Variants in CLCN7 observed in about 807,000 individuals in gnomAD.
CLCN7 encodes Cl-/H+ antiporter 7, also known as H(+)/Cl(-) exchange transporter 7.
CLCN7 carries 60 observed loss-of-function variants against 102.1 expected under a neutral mutation model. That is an observed-to-expected ratio of 0.59 (90% CI 0.48 to 0.73). The LOEUF is 0.73. Among genes scored for constraint, CLCN7 ranks in the 30% least tolerant of loss-of-function variants. The pLI is 0.00. For missense variants in CLCN7, 962 were observed against 1,125.7 expected (o/e 0.85, Z 2.08); for synonymous variants, 560 against 490.5 (o/e 1.14, Z -1.87).
At chr16:1,446,741 G>A (rs2038651555) in intron 24 of CLCN7, 24 bp from the exon 25 acceptor site, 2 of 1,552,438 alleles carry the variant, frequency 1.3e-6, no homozygotes, top group East Asian at 2.4e-5. Flanking sequence ...CCAGGCCACA[G>A]TGACACACGG....
At chr16:1,454,375 G>C (rs192338826) in intron 13 of CLCN7, 36 bp downstream of exon 13, 1 of 1,604,592 alleles carries the variant, frequency 6.2e-7, no homozygotes, top group Non-Finnish European at 8.5e-7. Context: ...AGCCAGGCCC[G>C]CAGGCCGTCC....
Position 1,457,705 on chromosome 16 carries a change from C to T in CLCN7, c.727G>A (p.Ala243Thr). 1 of 1,613,836 alleles carries T rather than the reference C, an allele frequency of 6.2e-7. No homozygotes were observed. ...GTGCACTTTGTTACCTTTCCCACGG[C>T]CAGGCCCCCGACCACGGACAGGATC... ...GVILSVVGGL[A>T]VGKEGPMIHS... The change falls in exon 8 of 25, where the codon GCC (alanine) becomes ACC (threonine). Residue 243 changes from alanine to threonine, a missense_variant. Physicochemically the swap from Ala to Thr is moderately conservative, Grantham distance 58. Around this residue, in one of 2 missense-constraint regions of CLCN7, gnomAD observed 799 missense variants for 988.0 expected, o/e 0.81. Coordinates refer to ENST00000382745, the MANE Select transcript of CLCN7 (RefSeq NM_001287.6). The surrounding 1 kb of genome is among the most constrained non-coding windows in gnomAD (Gnocchi z 5.4).
At chr16:1,455,512 C>A in intron 11 of CLCN7, 1 of 666,042 alleles carries the variant, frequency 1.5e-6, no homozygotes, top group Non-Finnish European at 2.7e-6. Flanking sequence ...TGATCCCCTA[C>A]CCGGGAGCCA....
At chr16:1,455,685 C>A in intron 11 of CLCN7, 46 bp downstream of exon 11, 1 of 1,593,056 alleles carries the variant, frequency 6.3e-7, no homozygotes, top group Non-Finnish European at 8.6e-7. Flanking sequence ...GAAATGAGAG[C>A]GCAGCATGCA....
chr16:1,460,801 C>A lies in CLCN7; in HGVS notation c.484+15G>T. 1 of 1,613,898 alleles carries A rather than the reference C, an allele frequency of 6.2e-7. No homozygotes were observed. Among genetic ancestry groups the A allele is most frequent in the Non-Finnish European group, 8.5e-7 (1 of 1,179,942 alleles). On this transcript the variant is annotated intron_variant, in intron 5 of 24. Coordinates refer to ENST00000382745, the MANE Select transcript of CLCN7 (RefSeq NM_001287.6). ...CCCCCCTCCCAAGCTGCAGCGGCCG[C>A]ACTGGGAAGGATACTGCCCTTGATG...
intron 1 of CLCN7, chr16:1,474,308 G>C (rs866289522): frequency 4.7e-6 from 2 of 428,496 alleles, no homozygotes; most frequent in Middle Eastern, 3.6e-4. Context: ...TCACCTGAAA[G>C]TCGGGACTGA....
Position 1,447,414 on chromosome 16 carries a change from G to A in CLCN7, c.2228C>T (p.Pro743Leu), listed in dbSNP as rs2142365609. ...TGCCTGGGGCACCGTGTAGGGGGAG[G>A]GGTTCATGAACTCGGAGAGGTCCAT... ...CTMDLSEFMN[P>L]SPYTVPQEAS... The change falls in exon 23 of 25, where the codon CCC becomes CTC. Residue 743 changes from proline to leucine, a missense_variant. Pro to Leu is a moderately conservative substitution (Grantham distance 98, BLOSUM62 -3). Around this residue, in one of 2 missense-constraint regions of CLCN7, gnomAD observed 799 missense variants for 988.0 expected, o/e 0.81. Coordinates refer to ENST00000382745, the MANE Select transcript of CLCN7 (RefSeq NM_001287.6). 3.9e-6 allele frequency: 6 copies of A among 1,550,732 alleles called. No individual in the cohort carries two copies. Among genetic ancestry groups the A allele is most frequent in the Non-Finnish European group, 5.2e-6 (6 of 1,147,250 alleles).
intron 16 of CLCN7, among the ~76,000 whole-genome samples, chr16:1,451,285 G>A (rs961944311): frequency 6.6e-6 from 1 of 152,310 alleles, no homozygotes; most frequent in African/African-American, 2.4e-5. Context: ...ACAGCTCATT[G>A]TGGCCTCAAC....
chr16:1,462,242 CAT>C (rs1251690642), intron 2 of CLCN7, among the ~76,000 whole-genome samples: 1 of 151,652 alleles, frequency 6.6e-6, no homozygotes, highest in Non-Finnish European at 1.5e-5. Flanking sequence ...AAAATCAATC[CAT>C]GAGGCCGGGT....
In CLCN7 at chr16:1,449,313, G is replaced by A. The variant is rs770378352; in HGVS notation, c.1632C>T (p.Pro544=). The A allele has an allele frequency of 1.4e-5, 22 of 1,586,880 alleles. No homozygotes were observed. The highest frequency in any genetic ancestry group is 1.4e-4 in the South Asian group (12 of 87,260). The part of the protein sequence containing the change: ...YLTGAAIWAD[P]GKYALMGAAA... ...CAGCTCCCATCAGGGCGTATTTGCC[G>A]GGGTCCGCCCAGATCTGTGGGAGGT... Residue 544 remains proline, a synonymous_variant, in exon 18 of 25, where the codon CCC becomes CCT. Coordinates refer to ENST00000382745, the MANE Select transcript of CLCN7 (RefSeq NM_001287.6).
chr16:1,460,419 T>C lies in CLCN7; in HGVS notation c.593A>G (p.Glu198Gly). The C allele has an allele frequency of 6.2e-7, 1 of 1,611,712 alleles. No individual in the cohort carries two copies. The highest frequency in any genetic ancestry group is 1.1e-5 in the South Asian group (1 of 91,052). ...LVGSVIVAFI[E>G]PVAAGSGIPQ... ...TAGCTGCGGCATCCTGCCACCCACC[T>C]CTATGAAAGCCACAATCACAGAGCC... The change falls in exon 6 of 25, where the codon GAG (glutamate) becomes GGG (glycine). Residue 198 changes from glutamate to glycine, a missense_variant and splice_region_variant. By Grantham distance (98) the Glu-to-Gly change is moderately conservative (BLOSUM62 -2). Transcript: ENST00000382745.
At chr16:1,455,429 G>A (rs2038820209) in intron 11 of CLCN7, 179 bp from the exon 12 acceptor site, 7 of 664,044 alleles carry the variant, frequency 1.1e-5, no homozygotes, top group South Asian at 6.7e-5. Flanking sequence ...GGCAAGGAGC[G>A]GCCCAGCCCT....
In CLCN7 at chr16:1,445,200, G is replaced by A. The variant is rs2038615187; in HGVS notation, c.*1431C>T. ...GGGGCGGGGACGAGGAAGAGGATGT[G>A]GCTGGTGCCCTGGGTGGCCGCAGCC... On this transcript the variant is annotated 3_prime_UTR_variant, in exon 25 of 25. Coordinates refer to ENST00000382745, the MANE Select transcript of CLCN7 (RefSeq NM_001287.6). The A allele has an allele frequency of 6.6e-6, 1 of 152,176 alleles. No homozygotes were observed. Among genetic ancestry groups the A allele is most frequent in the Non-Finnish European group, 1.5e-5 (1 of 68,070 alleles). The allele number at this position is 152,176 out of a possible 1,614,324, so 9.4% of individuals were successfully genotyped here.
chr16:1,452,792 T>C lies in CLCN7; in HGVS notation c.1316A>G (p.Gln439Arg). 6.2e-7 allele frequency: 1 copy of C among 1,605,932 alleles called. No individual in the cohort carries two copies. The highest frequency in any genetic ancestry group is 8.5e-7 in the Non-Finnish European group (1 of 1,176,820). The change falls in exon 15 of 25, where the codon CAG becomes CGG. Residue 439 changes from glutamine (Q) to arginine (R), a missense_variant. By Grantham distance (43) the Gln-to-Arg change is conservative (BLOSUM62 1). This residue lies in a region of CLCN7 where 799 missense variants were observed against 988.0 expected (regional missense o/e 0.81). Coordinates refer to ENST00000382745, the MANE Select transcript of CLCN7 (RefSeq NM_001287.6). ...FVLIYSSRDC[Q>R]PLQGGSMSYP... is the part of the protein sequence containing the mutation. ...GGACATGGAGCCCCCCTGCAGGGGCTGGCAATCCCGCGACGAGTAGATCAG... is the reference window on the plus strand; with the variant it reads ...GGACATGGAGCCCCCCTGCAGGGGCCGGCAATCCCGCGACGAGTAGATCAG...
At chr16:1,470,867 T>A (rs986635921) in intron 1 of CLCN7, among the ~76,000 whole-genome samples, 1 of 152,186 alleles carries the variant, frequency 6.6e-6, no homozygotes, top group Admixed American at 6.5e-5. Context: ...CAAGGTCTTA[T>A]GTGGAGTGTC....
rs759762543 is a variant in CLCN7 at position 1,453,831 on chromosome 16, C to T, written c.1214+3G>A. The T allele has an allele frequency of 2.5e-6, 4 of 1,613,322 alleles. No individual in the cohort carries two copies. Among genetic ancestry groups the T allele is most frequent in the South Asian group, 1.1e-5 (1 of 91,086 alleles). On this transcript the variant is annotated splice_donor_region_variant and intron_variant, in intron 14 of 24. Transcript: ENST00000382745. ...CGCGATATGCAATGCGGTTTCTCCT[C>T]ACCTGATTCGAAACATGGTCAGCCA...
intron 1 of CLCN7, chr16:1,474,158 C>G: frequency 4.4e-6 from 2 of 456,058 alleles, no homozygotes; most frequent in Non-Finnish European, 4.4e-6. Context: ...CAGACCTTAA[C>G]ACTGCTCAGA....
At chr16:1,461,302 G>A in intron 4 of CLCN7, 103 bp downstream of exon 4, 3 of 1,001,980 alleles carry the variant, frequency 3.0e-6, no homozygotes, top group Admixed American at 2.0e-5. Context: ...CAGAGGAGGA[G>A]GGAGGAGGTG....
Position 1,457,316 on chromosome 16 carries a change from C to T in CLCN7, c.760G>A (p.Gly254Ser). The T allele has an allele frequency of 6.2e-7, 1 of 1,613,980 alleles. No individual in the cohort carries two copies. The highest frequency in any genetic ancestry group is 8.5e-7 in the Non-Finnish European group (1 of 1,180,030). Residue 254 changes from glycine to serine, a missense_variant, in exon 9 of 25, where the codon GGT (glycine) becomes AGT (serine). This residue lies in a region of CLCN7 where 799 missense variants were observed against 988.0 expected (regional missense o/e 0.81). Coordinates refer to ENST00000382745, the MANE Select transcript of CLCN7 (RefSeq NM_001287.6). The surrounding 1 kb of genome is among the most constrained non-coding windows in gnomAD (Gnocchi z 5.4). ...GAGATCCCGGCGGCAATCACTGAAC[C>T]TGAGTGGATCATCGGCCCTTCCTGG... ...VGKEGPMIHS[G>S]SVIAAGISQG...
Sources: allele counts gnomAD v4.1 joint callset (sites outside exome capture counted in the v4.1 genomes callset), GRCh38; gene constraint gnomAD v4.1.1; regional missense constraint gnomAD v4.1.1; non-coding constraint Gnocchi (gnomAD v3.1); transcripts MANE v1.5; gene names NCBI Gene and HGNC (gene_info 2026-07-23, HGNC 2026-07-21).